CCDC7: variants seen among roughly 807,000 people sequenced by gnomAD.
CCDC7 encodes coiled-coil domain-containing protein 7.
Under a neutral mutation model 196.9 loss-of-function variants are expected in CCDC7, and 183 were observed. That is an observed-to-expected ratio of 0.93 (90% CI 0.82 to 1.05). The LOEUF is 1.05. CCDC7 is among the 50% of genes least tolerant of loss of function. CCDC7 has a pLI of 0.00. For synonymous variants in CCDC7, 525 were observed against 484.6 expected (o/e 1.08, Z -1.10); for missense variants, 1,540 against 1,482.2 (o/e 1.04, Z -0.64).
At chr10:32,503,811 T>C (rs2044440346) in intron 9 of CCDC7, among the ~76,000 whole-genome samples, 1 of 152,160 alleles carries the variant, frequency 6.6e-6, no homozygotes, top group South Asian at 2.1e-4. Context: ...TTGGTCATTA[T>C]TGGTCTTTTC....
chr10:32,710,352 G>C (rs2080617830), intron 24 of CCDC7, among the ~76,000 whole-genome samples: 1 of 152,152 alleles, frequency 6.6e-6, no homozygotes, highest in Non-Finnish European at 1.5e-5. Flanking sequence ...TTAGAACTAA[G>C]AGCTGTTATT....
chr10:32,837,481 C>G (rs553550259), intron 33 of CCDC7, among the ~76,000 whole-genome samples: 4 of 152,032 alleles, frequency 2.6e-5, no homozygotes, highest in Admixed American at 2.6e-4. Context: ...CTGGTGGGAC[C>G]GTAAACTAGT....
At chr10:32,537,606 C>G (rs896739844) in intron 11 of CCDC7, among the ~76,000 whole-genome samples, 1 of 152,070 alleles carries the variant, frequency 6.6e-6, no homozygotes, top group Non-Finnish European at 1.5e-5. Flanking sequence ...AGGTTATCTT[C>G]CAGAGTTTTT....
intron 31 of CCDC7, among the ~76,000 whole-genome samples, chr10:32,819,205 G>C (rs1186802341): frequency 3.3e-5 from 5 of 152,110 alleles, no homozygotes; most frequent in African/African-American, 7.2e-5. Context: ...AAATAAACTA[G>C]AAAATCTAGA....
At chr10:32,785,323 T>TA (rs1380041979) in intron 29 of CCDC7, among the ~76,000 whole-genome samples, 1 of 152,144 alleles carries the variant, frequency 6.6e-6, no homozygotes, top group Non-Finnish European at 1.5e-5. Flanking sequence ...AACTAAATGA[T>TA]AAAAAAGATA....
intron 35 of CCDC7, 38 bp from the exon 37 acceptor site, chr10:32,845,838 C>T: frequency 6.8e-7 from 1 of 1,471,712 alleles, no homozygotes; most frequent in Non-Finnish European, 9.5e-7. Context: ...GTAATGTTTA[C>T]CTTATAAAAT....
chr10:32,533,246 A>AACACACAC (rs58119017), intron 11 of CCDC7, among the ~76,000 whole-genome samples: 4,689 of 144,578 alleles, frequency 0.032, 128 homozygotes, highest in African/African-American at 0.064. Flanking sequence ...AAACAAAGGA[A>AACACACAC]ACACACACAC....
chr10:32,634,242 C>A lies in CCDC7; in HGVS notation c.1802-12C>A, dbSNP rs758034547. 48 of 1,133,412 alleles carry A rather than the reference C, an allele frequency of 4.2e-5. No homozygotes were observed. Among genetic ancestry groups the A allele is most frequent in the African/African-American group, 6.4e-5 (4 of 62,226 alleles). The allele number at this position is 1,133,412 out of a possible 1,614,324, so 70.2% of individuals were successfully genotyped here. On this transcript the variant is annotated splice_polypyrimidine_tract_variant and intron_variant, in intron 18 of 41. Coordinates refer to ENST00000639629, the Ensembl canonical transcript of CCDC7. ...TCTCTATTTGGTAGACTAAATGAAT[C>A]TTTTTATGTAGCTGACAGTGAAGTT...
intron 29 of CCDC7, among the ~76,000 whole-genome samples, chr10:32,791,248 CA>C (rs563358748): frequency 1.4e-4 from 19 of 139,490 alleles, no homozygotes; most frequent in African/African-American, 1.0e-4. Context: ...GAGTCTTTTT[CA>C]AAAAAAAAAG....
upstream of CCDC7, chr10:32,451,493 T>G: frequency 8.5e-7 from 1 of 1,171,762 alleles, no homozygotes; most frequent in Non-Finnish European, 1.1e-6. Flanking sequence ...CTTAATGTAC[T>G]CTGAGCAAAT....
chr10:32,466,167 T>C (rs916968879), intron 5 of CCDC7, among the ~76,000 whole-genome samples: 2 of 152,154 alleles, frequency 1.3e-5, no homozygotes, highest in African/African-American at 4.8e-5. Flanking sequence ...CCATAATTAC[T>C]TATCTTTAAT....
intron 18 of CCDC7, among the ~76,000 whole-genome samples, chr10:32,620,043 C>T (rs562483219): frequency 5.3e-5 from 8 of 150,844 alleles, no homozygotes; most frequent in Non-Finnish European, 1.5e-5. Flanking sequence ...CTGCCTCAGC[C>T]TCCTGAGTAG....
intron 29 of CCDC7, among the ~76,000 whole-genome samples, chr10:32,801,779 G>A (rs745661996): frequency 6.6e-5 from 10 of 152,168 alleles, no homozygotes; most frequent in African/African-American, 1.2e-4. Context: ...GCAGTGCAGG[G>A]TTAATTTCCT....
At chr10:32,563,089 C>A (rs1361581538) in intron 13 of CCDC7, among the ~76,000 whole-genome samples, 2 of 152,006 alleles carry the variant, frequency 1.3e-5, no homozygotes, top group Non-Finnish European at 2.9e-5. Context: ...ATCCAACTTA[C>A]AAGGGATGTG....
intron 9 of CCDC7, among the ~76,000 whole-genome samples, chr10:32,506,621 G>C (rs1334474091): frequency 1.3e-5 from 2 of 152,242 alleles, no homozygotes; most frequent in African/African-American, 2.4e-5. Context: ...GGAGGCCGAG[G>C]GGGGCAGATC....
At chr10:32,719,654 G>A (rs997056376) in intron 25 of CCDC7, among the ~76,000 whole-genome samples, 11 of 151,936 alleles carry the variant, frequency 7.2e-5, no homozygotes, top group Non-Finnish European at 1.6e-4. Context: ...AATCTACAAG[G>A]AACTTAAACA....
At chr10:32,797,074 T>A (rs2083695514) in intron 29 of CCDC7, among the ~76,000 whole-genome samples, 1 of 152,014 alleles carries the variant, frequency 6.6e-6, no homozygotes, top group Non-Finnish European at 1.5e-5. Context: ...ACACGCATGT[T>A]TATAAGCAGC....
chr10:32,730,797 G>A (rs944965707), intron 28 of CCDC7, among the ~76,000 whole-genome samples: 1 of 151,874 alleles, frequency 6.6e-6, no homozygotes, highest in Non-Finnish European at 1.5e-5. Flanking sequence ...TGAGGTATTA[G>A]ATGAAAATCT....
At chr10:32,687,518 G>C (rs1242696192) in intron 22 of CCDC7, among the ~76,000 whole-genome samples, 1 of 152,184 alleles carries the variant, frequency 6.6e-6, no homozygotes, top group African/African-American at 2.4e-5. Flanking sequence ...AGTTGTGTTT[G>C]GGTAAGGGTC....
Sources: gnomAD v4.1 joint callset for allele counts (sites outside exome capture counted in the v4.1 genomes callset) on GRCh38, gnomAD v4.1.1 for gene constraint, MANE v1.5 for transcripts, NCBI Gene and HGNC (gene_info 2026-07-23, HGNC 2026-07-21) for gene names.